SLC12A6: variants seen among roughly 807,000 people sequenced by gnomAD.
The protein encoded by SLC12A6 is solute carrier family 12 member 6.
In SLC12A6, 66 loss-of-function variants were observed where a neutral mutation model predicts 135.3. That is an observed-to-expected ratio of 0.49 (90% CI 0.40 to 0.60). The LOEUF is 0.60. SLC12A6 is among the 20% of genes least tolerant of loss of function. The pLI is 0.00. For missense variants in SLC12A6, 1,058 were observed against 1,452.3 expected, an observed-to-expected ratio of 0.73 and a Z score of 4.41; for synonymous variants, 513 against 508.8, an observed-to-expected ratio of 1.01 and a Z score of -0.11.
At chr15:34,283,887 A>G (rs950212124) in intron 2 of SLC12A6, among the ~76,000 whole-genome samples, 1 of 151,960 alleles carries the variant, frequency 6.6e-6, no homozygotes, top group Non-Finnish European at 1.5e-5. Context: ...AGCTGGGATC[A>G]CAGTCATGTG....
At chr15:34,315,795 C>T (rs1888603353) in intron 2 of SLC12A6, among the ~76,000 whole-genome samples, 1 of 152,006 alleles carries the variant, frequency 6.6e-6, no homozygotes, top group Admixed American at 6.6e-5. Flanking sequence ...CTGGCTAACA[C>T]GGTGAAACCC....
At chr15:34,309,272 G>A (rs1242852487) in intron 2 of SLC12A6, among the ~76,000 whole-genome samples, 1 of 152,096 alleles carries the variant, frequency 6.6e-6, no homozygotes, top group Non-Finnish European at 1.5e-5. Context: ...TATGCCATAT[G>A]TCTAAATTCA....
At chr15:34,318,690 G>C (rs1410373422) in intron 2 of SLC12A6, 1 of 1,613,434 alleles carries the variant, frequency 6.2e-7, no homozygotes, top group South Asian at 1.1e-5. Flanking sequence ...GTTATAGTTA[G>C]ATAATACTTT....
intron 13 of SLC12A6, among the ~76,000 whole-genome samples, chr15:34,249,066 A>G (rs367818359): frequency 2.6e-5 from 4 of 152,300 alleles, no homozygotes; most frequent in South Asian, 4.1e-4. Context: ...CAGGCTCTGA[A>G]GCAGGGAGGT....
chr15:34,271,514 C>T (rs991395275), intron 3 of SLC12A6, among the ~76,000 whole-genome samples: 1 of 151,618 alleles, frequency 6.6e-6, no homozygotes, highest in Non-Finnish European at 1.5e-5. Flanking sequence ...ATTATTTTTC[C>T]TTGGATGCCT....
intron 23 of SLC12A6, among the ~76,000 whole-genome samples, 183 bp downstream of exon 23, chr15:34,236,525 G>C (rs1891278005): frequency 6.6e-6 from 1 of 151,946 alleles, no homozygotes; most frequent in African/African-American, 2.4e-5. Context: ...TCGTACTTTA[G>C]TACAGATGGG....
intron 6 of SLC12A6, among the ~76,000 whole-genome samples, chr15:34,256,865 T>G (rs1321146975): frequency 6.6e-6 from 1 of 152,138 alleles, no homozygotes. Context: ...GTGTAAAAGA[T>G]TTCAGAGAAT....
chr15:34,261,082 A>C (rs1893089994), intron 3 of SLC12A6, 62 bp from the exon 4 acceptor site: 1 of 855,880 alleles, frequency 1.2e-6, no homozygotes, highest in East Asian at 2.4e-5. Context: ...AAACATCAGC[A>C]CCAGATAAGT....
At chr15:34,280,938 TA>T (rs1894635533) in intron 2 of SLC12A6, among the ~76,000 whole-genome samples, 2 of 152,152 alleles carry the variant, frequency 1.3e-5, no homozygotes, top group South Asian at 4.2e-4. Context: ...AACAGAAAGC[TA>T]AACACCACAT....
chr15:34,264,605 C>T (rs535186722), intron 3 of SLC12A6, among the ~76,000 whole-genome samples: 33 of 152,186 alleles, frequency 2.2e-4, no homozygotes, highest in African/African-American at 7.7e-4. Flanking sequence ...TGACTCAACA[C>T]ATCAAAGGTA....
intron 2 of SLC12A6, among the ~76,000 whole-genome samples, chr15:34,322,020 T>C (rs1889125024): frequency 6.6e-6 from 1 of 152,184 alleles, no homozygotes; most frequent in Admixed American, 6.5e-5. Context: ...GATGGTAATA[T>C]TCTACATCTT....
chr15:34,335,842 A>G (rs1890161022), intron 2 of SLC12A6, among the ~76,000 whole-genome samples: 1 of 152,212 alleles, frequency 6.6e-6, no homozygotes, highest in African/African-American at 2.4e-5. Context: ...CTTCCATTTG[A>G]CAGAATAGCA....
At chr15:34,310,211 C>CGTGTGTG (rs1888068002) in intron 2 of SLC12A6, among the ~76,000 whole-genome samples, 2 of 112,652 alleles carry the variant, frequency 1.8e-5, no homozygotes, top group African/African-American at 8.0e-5. Flanking sequence ...GTGTGTGTCC[C>CGTGTGTG]TGTGTCCAGG....
Position 34,252,340 on chromosome 15 carries a change from T to A in SLC12A6, c.1163A>T (p.Asp388Val). ...AATTTCCTTGGTCTTAGAGCAAACGTCAATGTGTCTTGATGAAAGGGTGCG... is the reference window on the plus strand; with the variant it reads ...AATTTCCTTGGTCTTAGAGCAAACGACAATGTGTCTTGATGAAAGGGTGCG... ...GNRTLSSRHI[D>V]VCSKTKEINN... is the part of the protein sequence containing the mutation. The change falls in exon 10 of 26, where the codon GAC becomes GTC. Residue 388 changes from aspartate to valine, a missense_variant. Physicochemically the swap from Asp to Val is radical, Grantham distance 152. Coordinates refer to ENST00000354181, the MANE Select transcript of SLC12A6 (RefSeq NM_001365088.1). The A allele has an allele frequency of 6.2e-7, 1 of 1,613,076 alleles. No individual in the cohort carries two copies. The highest frequency in any genetic ancestry group is 1.1e-5 in the South Asian group (1 of 91,034).
In SLC12A6 at chr15:34,289,174, A is replaced by G. The variant is rs558845913; in HGVS notation, c.272-13785T>C. Among the ~76,000 whole-genome samples, 6 of 152,276 alleles carry G rather than the reference A, an allele frequency of 3.9e-5. No homozygotes were observed. In the South Asian group the frequency reaches 1.0e-3, roughly 26 times the overall value. ...GATATGTTCCATCAATACCTAGTTTATTCAGAGTTTTTACCATGAAAGGCT... is the reference window on the plus strand; with the variant it reads ...GATATGTTCCATCAATACCTAGTTTGTTCAGAGTTTTTACCATGAAAGGCT... On this transcript the variant is annotated intron_variant, in intron 2 of 25. Transcript: ENST00000354181.
intron 2 of SLC12A6, among the ~76,000 whole-genome samples, chr15:34,319,975 A>G (rs1425444413): frequency 6.6e-6 from 1 of 151,998 alleles, no homozygotes; most frequent in African/African-American, 2.4e-5. Context: ...GATATAATTT[A>G]TCAGACAACT....
At chr15:34,298,962 C>T (rs1284545748) in intron 2 of SLC12A6, among the ~76,000 whole-genome samples, 2 of 152,216 alleles carry the variant, frequency 1.3e-5, no homozygotes, top group South Asian at 2.1e-4. Flanking sequence ...TGCATCATTG[C>T]TTAAACAACA....
chr15:34,308,195 G>C (rs772051476), intron 2 of SLC12A6, among the ~76,000 whole-genome samples: 3 of 151,944 alleles, frequency 2.0e-5, no homozygotes, highest in Non-Finnish European at 4.4e-5. Flanking sequence ...CTAACCCTTA[G>C]TCTTTAAGCA....
intron 2 of SLC12A6, among the ~76,000 whole-genome samples, chr15:34,301,587 C>T (rs1174050590): frequency 1.3e-5 from 2 of 152,148 alleles, no homozygotes; most frequent in African/African-American, 2.4e-5. Flanking sequence ...AATGTAGGGC[C>T]AAACATGCCT....
Sources: gnomAD v4.1 joint callset for allele counts (sites outside exome capture counted in the v4.1 genomes callset) on GRCh38, gnomAD v4.1.1 for gene constraint, MANE v1.5 for transcripts, NCBI Gene and HGNC (gene_info 2026-07-23, HGNC 2026-07-21) for gene names.